WDFY4: variants seen among roughly 807,000 people sequenced by gnomAD.
WDFY4 encodes WDFY family member 4.
A neutral mutation model predicts 351.9 loss-of-function variants in WDFY4; 169 were observed. The ratio of observed to expected loss-of-function variants is 0.48; its 90% CI spans 0.42 to 0.55. The LOEUF is 0.55. Ranked by LOEUF, WDFY4 falls within the 20% of genes least tolerant of loss-of-function variation. The pLI, the probability that WDFY4 is intolerant of heterozygous loss-of-function variation, is 0.00. For missense variants in WDFY4, 3,803 were observed against 3,935.6 expected, an observed-to-expected ratio of 0.97 and a Z score of 0.90; for synonymous variants, 1,622 against 1,574.6, an observed-to-expected ratio of 1.03 and a Z score of -0.71.
At chr10:48,797,444 A>G (rs1195995493) in intron 24 of WDFY4, among the ~76,000 whole-genome samples, 4 of 152,236 alleles carry the variant, frequency 2.6e-5, no homozygotes, top group Non-Finnish European at 4.4e-5. Context: ...CTCTCCTATT[A>G]CCAAGACCTA....
intron 47 of WDFY4, among the ~76,000 whole-genome samples, chr10:48,908,675 A>C (rs76233583): frequency 0.027 from 4,053 of 152,218 alleles, 193 homozygotes; most frequent in African/African-American, 0.093. Context: ...CAGTTGCAAA[A>C]ATAGTACAGA....
chr10:48,709,718 C>G lies in WDFY4; in HGVS notation c.-15C>G. On this transcript the variant is annotated splice_region_variant and 5_prime_UTR_variant, in exon 2 of 62. The change creates a new upstream start codon in the 5' untranslated region. Coordinates refer to ENST00000325239, the MANE Select transcript of WDFY4 (RefSeq NM_001394531.1). ...ACTTCTATTTGTTCTGAATTCAGAT[C>G]TGCTTTGCCACGGCATGGAGGCAGA... 1.9e-6 allele frequency: 3 copies of G among 1,551,152 alleles called. No homozygotes were observed. The highest frequency in any genetic ancestry group is 2.6e-6 in the Non-Finnish European group (3 of 1,146,328).
At chr10:48,827,348 T>G (rs1277616924) in intron 36 of WDFY4, among the ~76,000 whole-genome samples, 1 of 151,770 alleles carries the variant, frequency 6.6e-6, no homozygotes, top group East Asian at 2.0e-4. Context: ...ATGCATACAA[T>G]GTATGACATA....
chr10:48,754,248 G>C (rs917512693), intron 12 of WDFY4, among the ~76,000 whole-genome samples: 1 of 117,820 alleles, frequency 8.5e-6, no homozygotes, highest in African/African-American at 3.0e-5. Context: ...TTTTTTTTCT[G>C]TATTGTCTTT....
At chr10:48,890,458 C>A (rs930714163) in intron 43 of WDFY4, 121 bp from the exon 44 acceptor site, 4 of 1,216,848 alleles carry the variant, frequency 3.3e-6, no homozygotes, top group East Asian at 5.1e-5. Flanking sequence ...GCCATTCATA[C>A]AAGGCACTGC....
At chr10:48,702,007 T>C (rs934996077) in intron 1 of WDFY4, among the ~76,000 whole-genome samples, 3 of 152,244 alleles carry the variant, frequency 2.0e-5, no homozygotes, top group Admixed American at 6.5e-5. Context: ...CTGTACATGT[T>C]TTCTTAAAGT....
intron 39 of WDFY4, among the ~76,000 whole-genome samples, chr10:48,844,966 G>T (rs1359580848): frequency 1.3e-5 from 2 of 152,212 alleles, no homozygotes; most frequent in Non-Finnish European, 2.9e-5. Context: ...GAAGGTCCAA[G>T]AAAGCTTCTC....
At position 48,779,962 on chromosome 10, in the gene WDFY4, A is replaced by G. The variant is rs1589589669; in HGVS notation, c.3419A>G (p.Asp1140Gly). 1 of 1,551,700 alleles carries G rather than the reference A, an allele frequency of 6.4e-7. No homozygotes were observed. The highest frequency in any genetic ancestry group is 8.7e-7 in the Non-Finnish European group (1 of 1,147,000). ...QPLDVMEPED[D>G]SEPSAGCQLQ... ...CCAGATGTCATGGAACCTGAGGATGACTCCGAGCCTTCTGCAGGATGCCAG... is the reference window on the plus strand; with the variant it reads ...CCAGATGTCATGGAACCTGAGGATGGCTCCGAGCCTTCTGCAGGATGCCAG... The change falls in exon 19 of 62, where the codon GAC becomes GGC. Residue 1140 changes from aspartate (D) to glycine (G), a missense_variant. This residue lies in a region of WDFY4 where 3,054 missense variants were observed against 3,148.6 expected (regional missense o/e 0.97). Transcript: ENST00000325239.
At position 48,935,438 on chromosome 10, in the gene WDFY4, C is replaced by T. The variant is rs150936355; in HGVS notation, c.7587-6368C>T. Among the ~76,000 whole-genome samples the T allele has an allele frequency of 2.8e-3, 420 of 152,344 alleles. 2 individuals carry two copies. Among genetic ancestry groups the T allele is most frequent in the African/African-American group, 9.9e-3 (411 of 41,570 alleles). On this transcript the variant is annotated intron_variant, in intron 47 of 61. Transcript: ENST00000325239. ...CACCCAGCAGTCAGTGGGAGAGGAT[C>T]GAATCAGAGCCCCTGTCTATGGCAA...
chr10:48,915,049 A>C (rs1214566437), intron 47 of WDFY4, among the ~76,000 whole-genome samples: 1 of 152,170 alleles, frequency 6.6e-6, no homozygotes, highest in Non-Finnish European at 1.5e-5. Flanking sequence ...TGGCTTCTGC[A>C]TGCTTGGCTT....
intron 31 of WDFY4, among the ~76,000 whole-genome samples, chr10:48,816,110 A>G (rs1247619467): frequency 6.6e-6 from 1 of 152,140 alleles, no homozygotes; most frequent in Non-Finnish European, 1.5e-5. Context: ...TAGTTAATTA[A>G]TATTTTAAAA....
intron 20 of WDFY4, 68 bp downstream of exon 20, chr10:48,786,938 T>C: frequency 2.1e-6 from 3 of 1,405,462 alleles, no homozygotes; most frequent in Admixed American, 2.0e-5. Context: ...CAGTTATTTG[T>C]AGCAGATTTG....
chr10:48,697,902 G>A (rs1190854736), intron 1 of WDFY4, among the ~76,000 whole-genome samples: 4 of 152,180 alleles, frequency 2.6e-5, no homozygotes. Context: ...ACCTTGGCCT[G>A]TTTGCTGCAT....
chr10:48,766,091 A>G (rs1468246048), intron 13 of WDFY4, among the ~76,000 whole-genome samples: 1 of 152,242 alleles, frequency 6.6e-6, no homozygotes, highest in African/African-American at 2.4e-5. Context: ...ATTTGAAAAG[A>G]GCCATTTCCA....
At position 48,801,560 on chromosome 10, in the gene WDFY4, A is replaced by G. The variant is rs112952320; in HGVS notation, c.4411-1726A>G. Reference sequence around the variant, plus strand: ...CCATGTTTTCACTAGAGCTGCCTTCATCAATACCAGCTGTCCCAAATGGCA... The same window carrying G: ...CCATGTTTTCACTAGAGCTGCCTTCGTCAATACCAGCTGTCCCAAATGGCA... On this transcript the variant is annotated intron_variant, in intron 24 of 61. Transcript: ENST00000325239. 1.1e-3 allele frequency: 479 copies of G among 455,586 alleles called. 3 individuals are homozygous for G. The highest frequency in any genetic ancestry group is 8.5e-3 in the African/African-American group (426 of 50,162). The allele number at this position is 455,586 out of a possible 1,614,324, so 28.2% of individuals were successfully genotyped here. A position where few individuals can be genotyped will look rare whatever the true frequency, so the allele number is the denominator to read the frequency against.
At chr10:48,943,589 C>A in intron 49 of WDFY4, 140 bp downstream of exon 49, 2 of 881,096 alleles carry the variant, frequency 2.3e-6, no homozygotes, top group Non-Finnish European at 3.3e-6. Context: ...GCTGCTGAAG[C>A]TCAGATCTCT....
chr10:48,820,471 T>C, intron 33 of WDFY4, 34 bp downstream of exon 33: 4 of 1,541,992 alleles, frequency 2.6e-6, no homozygotes, highest in Non-Finnish European at 3.5e-6. Context: ...GGCCATGTGC[T>C]GTGGAGGCTG....
At chr10:48,917,878 C>A (rs188728666) in intron 47 of WDFY4, among the ~76,000 whole-genome samples, 2 of 151,970 alleles carry the variant, frequency 1.3e-5, no homozygotes, top group Non-Finnish European at 2.9e-5. Flanking sequence ...TGTATGTGAT[C>A]GAAAGAAAAC....
intron 59 of WDFY4, among the ~76,000 whole-genome samples, chr10:48,977,820 G>T (rs534171946): frequency 6.6e-6 from 1 of 152,366 alleles, no homozygotes; most frequent in East Asian, 1.9e-4. Context: ...TTGCCCTTTG[G>T]TGATATAAAA....
Sources: gnomAD v4.1 joint callset for allele counts (sites outside exome capture counted in the v4.1 genomes callset) on GRCh38, gnomAD v4.1.1 for gene constraint, gnomAD v4.1.1 regional missense constraint, MANE v1.5 for transcripts, NCBI Gene and HGNC (gene_info 2026-07-23, HGNC 2026-07-21) for gene names.